Variants in KCNQ5 observed in about 807,000 individuals in gnomAD.
KCNQ5 encodes the protein potassium voltage-gated channel subfamily KQT member 5.
Under a neutral mutation model 98.2 loss-of-function variants are expected in KCNQ5, and 30 were observed. The observed-to-expected ratio is 0.31, with a 90% CI of 0.23 to 0.41. KCNQ5 has a LOEUF of 0.41. KCNQ5 is among the 10% of genes least tolerant of loss of function. The pLI is 1.00. For missense variants in KCNQ5, 835 were observed against 1,182.5 expected, an observed-to-expected ratio of 0.71 and a Z score of 4.31; for synonymous variants, 458 against 449.4, an observed-to-expected ratio of 1.02 and a Z score of -0.24.
chr6:73,089,031 C>G (rs537456878), intron 5 of KCNQ5, among the ~76,000 whole-genome samples: 5 of 152,236 alleles, frequency 3.3e-5, no homozygotes, highest in South Asian at 2.1e-4. Flanking sequence ...CTTACAAAAA[C>G]CTTCCGTCAG....
chr6:73,009,460 A>G (rs1369828411), intron 2 of KCNQ5, among the ~76,000 whole-genome samples: 4 of 152,154 alleles, frequency 2.6e-5, no homozygotes, highest in Admixed American at 6.6e-5. Flanking sequence ...CAAATCAGCA[A>G]CTTCATTTTA....
intron 1 of KCNQ5, among the ~76,000 whole-genome samples, chr6:72,767,022 G>C (rs985442990): frequency 5.3e-5 from 8 of 151,924 alleles, no homozygotes; most frequent in African/African-American, 1.9e-4. Context: ...ATAGAGATAA[G>C]AGAACTTGCT....
chr6:72,948,112 G>C (rs1766633029), intron 1 of KCNQ5, among the ~76,000 whole-genome samples: 1 of 151,938 alleles, frequency 6.6e-6, no homozygotes, highest in South Asian at 2.1e-4. Context: ...TACCAACTCA[G>C]GGTCAAATTT....
At chr6:72,878,444 C>A (rs997888025) in intron 1 of KCNQ5, among the ~76,000 whole-genome samples, 1 of 152,084 alleles carries the variant, frequency 6.6e-6, no homozygotes, top group Non-Finnish European at 1.5e-5. Flanking sequence ...CTTACAGAAC[C>A]ATTCCCAGAC....
chr6:73,140,025 GCCCACCAGT>G (rs1776640461), intron 10 of KCNQ5, among the ~76,000 whole-genome samples: 1 of 151,872 alleles, frequency 6.6e-6, no homozygotes, highest in South Asian at 2.1e-4. Flanking sequence ...TAGGTTCTAG[GCCCACCAGT>G]CTACCACAAC....
At chr6:72,880,875 A>G (rs376667435) in intron 1 of KCNQ5, among the ~76,000 whole-genome samples, 1 of 152,182 alleles carries the variant, frequency 6.6e-6, no homozygotes, top group Non-Finnish European at 1.5e-5. Context: ...TGCTTTTACT[A>G]GAATGTCCAG....
At chr6:72,781,022 T>C (rs1211835118) in intron 1 of KCNQ5, among the ~76,000 whole-genome samples, 1 of 152,224 alleles carries the variant, frequency 6.6e-6, no homozygotes, top group Admixed American at 6.5e-5. Flanking sequence ...ATCATTCAAA[T>C]AGTGTCCCTA....
At chr6:72,975,405 G>A (rs955330018) in intron 1 of KCNQ5, among the ~76,000 whole-genome samples, 2 of 152,074 alleles carry the variant, frequency 1.3e-5, no homozygotes, top group African/African-American at 2.4e-5. Context: ...GTTGTCTAGT[G>A]TCCATCGCTT....
intron 1 of KCNQ5, among the ~76,000 whole-genome samples, chr6:72,791,575 A>C (rs539176813): frequency 2.2e-4 from 33 of 152,338 alleles, no homozygotes; most frequent in African/African-American, 6.7e-4. Context: ...TTGTAAATTC[A>C]ACTATTTGGA....
intron 12 of KCNQ5, among the ~76,000 whole-genome samples, chr6:73,191,525 G>A (rs1334358551): frequency 1.3e-5 from 2 of 152,086 alleles, no homozygotes; most frequent in Middle Eastern, 3.2e-3. Context: ...CAAATTACCA[G>A]CATTTGTGAT....
chr6:72,691,089 A>C (rs1768193985), intron 1 of KCNQ5, among the ~76,000 whole-genome samples: 1 of 152,208 alleles, frequency 6.6e-6, no homozygotes, highest in Non-Finnish European at 1.5e-5. Context: ...ACTTGAACTC[A>C]AAAATCAGTA....
chr6:73,031,516 C>G (rs1771145459), intron 2 of KCNQ5, among the ~76,000 whole-genome samples: 1 of 152,194 alleles, frequency 6.6e-6, no homozygotes, highest in Non-Finnish European at 1.5e-5. Context: ...AAGCCGTGAA[C>G]TGAAGGAAAC....
chr6:73,136,376 ACTAT>A (rs1776471983), intron 10 of KCNQ5, among the ~76,000 whole-genome samples: 1 of 152,222 alleles, frequency 6.6e-6, no homozygotes, highest in South Asian at 2.1e-4. Flanking sequence ...TAGAGTCACC[ACTAT>A]CTATCACAAT....
At chr6:72,706,574 C>G (rs1769095181) in intron 1 of KCNQ5, among the ~76,000 whole-genome samples, 1 of 152,058 alleles carries the variant, frequency 6.6e-6, no homozygotes, top group Non-Finnish European at 1.5e-5. Flanking sequence ...GCCCAAATCA[C>G]TTCTCGATAT....
intron 3 of KCNQ5, among the ~76,000 whole-genome samples, chr6:73,063,686 T>TGATAGATAGATAGATA (rs1554203586): frequency 4.6e-4 from 43 of 93,270 alleles, no homozygotes; most frequent in African/African-American, 1.6e-3. Flanking sequence ...GATAGATAGA[T>TGATAGATAGATAGATA]GATAGATAGA....
At chr6:72,850,891 A>G (rs1218311902) in intron 1 of KCNQ5, among the ~76,000 whole-genome samples, 3 of 152,154 alleles carry the variant, frequency 2.0e-5, no homozygotes, top group Non-Finnish European at 4.4e-5. Flanking sequence ...AGTGCCTCAA[A>G]TCTTGGTGAT....
intron 3 of KCNQ5, among the ~76,000 whole-genome samples, chr6:73,063,362 A>G (rs1772870362): frequency 6.6e-6 from 1 of 152,190 alleles, no homozygotes. Flanking sequence ...GTTGGTTGCC[A>G]TGAATTCTGA....
chr6:73,089,169 C>T (rs1774124181), intron 5 of KCNQ5, among the ~76,000 whole-genome samples: 1 of 152,128 alleles, frequency 6.6e-6, no homozygotes, highest in Admixed American at 6.6e-5. Flanking sequence ...TTGGATTCAG[C>T]AGTAAGATAA....
chr6:72,945,832 G>A (rs1239038553), intron 1 of KCNQ5, among the ~76,000 whole-genome samples: 5 of 151,936 alleles, frequency 3.3e-5, no homozygotes, highest in Non-Finnish European at 5.9e-5. Context: ...CAATACTGGT[G>A]TAGAATATTC....
Sources: allele counts gnomAD v4.1 joint callset (sites outside exome capture counted in the v4.1 genomes callset), GRCh38; gene constraint gnomAD v4.1.1; transcripts MANE v1.5; gene names NCBI Gene and HGNC (gene_info 2026-07-23, HGNC 2026-07-21).